DENND10: variants seen among roughly 807,000 people sequenced by gnomAD.
DENND10 encodes the protein DENN domain containing 10, also known as DENN domain-containing protein 10.
DENND10 carries 24 observed loss-of-function variants against 43.6 expected under a neutral mutation model. The observed-to-expected ratio is 0.55, with a 90% CI of 0.40 to 0.77. DENND10 has a LOEUF of 0.77. Ranked by LOEUF, DENND10 falls within the 30% of genes least tolerant of loss-of-function variation. DENND10 has a pLI of 0.00. For missense variants in DENND10, 303 were observed against 429.9 expected, an observed-to-expected ratio of 0.70 and a Z score of 2.61; for synonymous variants, 125 against 157.6, an observed-to-expected ratio of 0.79 and a Z score of 1.55.
chr10:119,116,061 G>A (rs1357759390), intron 3 of DENND10, among the ~76,000 whole-genome samples: 4 of 152,114 alleles, frequency 2.6e-5, no homozygotes, highest in Non-Finnish European at 5.9e-5. Flanking sequence ...ACTGTGCCCG[G>A]CCCTCAAGTG....
At chr10:119,133,610 G>T (rs1107702) in intron 8 of DENND10, 82,565 of 152,006 alleles carry the variant, frequency 0.54, 22,733 homozygotes, top group Middle Eastern at 0.66. Context: ...TGACAGAAGG[G>T]GTTGAGGTGG....
chr10:119,120,478 G>T lies in DENND10; in HGVS notation c.593+26G>T, dbSNP rs189634789. On this transcript the variant is annotated intron_variant, in intron 5 of 8. Transcript: ENST00000361432. ...GTATCACCTCTAATTATAAAAAAGT[G>T]TTAACTTTGTTGGCAGACAGTTCGC... is the stretch of plus-strand genomic sequence containing the variant. The T allele has an allele frequency of 7.5e-5, 107 of 1,423,310 alleles. No homozygotes were observed. The African/African-American group carries it at 1.3e-3, about 18-fold the overall frequency. The allele number at this position is 1,423,310 out of a possible 1,614,324, so 88.2% of individuals were successfully genotyped here.
chr10:119,132,601 G>C lies in DENND10; in HGVS notation c.889G>C (p.Val297Leu), dbSNP rs371835462. The C allele has an allele frequency of 6.2e-7, 1 of 1,613,190 alleles. No individual in the cohort carries two copies. Among genetic ancestry groups the C allele is most frequent in the African/African-American group, 1.3e-5 (1 of 75,030 alleles). ...AEDPEKSESH[V>L]IQDIALKTRE... ...AGATCCAGAGAAATCAGAGAGCCAC[G>C]TTATACAGGTAACTCCCTCACCTTC... The change falls in exon 8 of 9, where the codon GTT becomes CTT. Residue 297 changes from valine (V) to leucine (L), a missense_variant. Coordinates refer to ENST00000361432, the MANE Select transcript of DENND10 (RefSeq NM_207009.4). This position sits in a 1 kb window ranked among gnomAD's most constrained non-coding sequence, Gnocchi z 4.2.
chr10:119,123,603 CACTT>C, intron 6 of DENND10, 34 bp downstream of exon 6: 1 of 1,183,586 alleles, frequency 8.4e-7, no homozygotes, highest in Admixed American at 2.5e-5. Flanking sequence ...GGAACTGTTT[CACTT>C]TTTTTTTTTT....
chr10:119,123,666 A>AGAGGATCCCAGGGGAGGAACTGTTTCACT (rs1589735233), intron 6 of DENND10, 97 bp downstream of exon 6: 2 of 921,484 alleles, frequency 2.2e-6, no homozygotes, highest in East Asian at 5.3e-5. Flanking sequence ...ATGGAGTGCA[A>AGAGGATCCCAGGGGAGGAACTGTTTCACT]TGGCACGATC....
chr10:119,108,344 G>A (rs987451669), intron 2 of DENND10, among the ~76,000 whole-genome samples, 180 bp downstream of exon 2: 7 of 152,094 alleles, frequency 4.6e-5, no homozygotes, highest in Admixed American at 1.3e-4. Context: ...TTAGCTGGGC[G>A]TGGTGGCGCA....
intron 2 of DENND10, among the ~76,000 whole-genome samples, chr10:119,110,872 C>T (rs931280707): frequency 6.6e-6 from 1 of 152,124 alleles, no homozygotes; most frequent in Non-Finnish European, 1.5e-5. Flanking sequence ...TAACGAAGAA[C>T]AATTGCTATT....
At chr10:119,105,670 A>C in intron 1 of DENND10, 1 of 264,266 alleles carries the variant, frequency 3.8e-6, no homozygotes, top group Non-Finnish European at 6.1e-6. Flanking sequence ...GCAGTTTTTT[A>C]ATTATTCACA....
intron 2 of DENND10, among the ~76,000 whole-genome samples, chr10:119,111,581 C>G (rs1844977597): frequency 6.6e-6 from 1 of 151,430 alleles, no homozygotes; most frequent in African/African-American, 2.4e-5. Context: ...TAGAAATGTA[C>G]TTTTTTTATA....
chr10:119,132,590 CAG>C lies in DENND10; in HGVS notation c.883_884del (p.Ser295ProfsTer26). The C allele has an allele frequency of 6.2e-7, 1 of 1,614,076 alleles. No individual in the cohort carries two copies. Among genetic ancestry groups the C allele is most frequent in the Non-Finnish European group, 8.5e-7 (1 of 1,179,922 alleles). ...CAGTCTGCAGAAGATCCAGAGAAAT[CAG>C]AGAGCCACGTTATACAGGTAACTCC... On this transcript the variant is annotated frameshift_variant, in exon 8 of 9. Transcript: ENST00000361432. LOFTEE classifies it high-confidence loss of function. The surrounding 1 kb of genome is among the most constrained non-coding windows in gnomAD (Gnocchi z 4.2).
intron 6 of DENND10, among the ~76,000 whole-genome samples, chr10:119,125,495 AGTTT>A (rs1845782039): frequency 9.3e-6 from 1 of 107,708 alleles, no homozygotes; most frequent in African/African-American, 3.8e-5. Flanking sequence ...TTCCACTTCT[AGTTT>A]TCTTTTTTTT....
At chr10:119,124,987 T>C (rs951898770) in intron 6 of DENND10, among the ~76,000 whole-genome samples, 4 of 152,176 alleles carry the variant, frequency 2.6e-5, no homozygotes, top group Non-Finnish European at 5.9e-5. Flanking sequence ...TGTTTTTTTC[T>C]TGGGACGGAG....
At chr10:119,124,958 T>C (rs1025240472) in intron 6 of DENND10, among the ~76,000 whole-genome samples, 40 of 152,232 alleles carry the variant, frequency 2.6e-4, no homozygotes, top group African/African-American at 9.6e-4. Context: ...ATTTAACCTG[T>C]AAAGTTTTTT....
chr10:119,122,029 G>A (rs1216716910), intron 5 of DENND10, among the ~76,000 whole-genome samples: 5 of 152,014 alleles, frequency 3.3e-5, no homozygotes, highest in Non-Finnish European at 7.4e-5. Context: ...AATGTTGGCC[G>A]GGCATGGTGG....
intron 6 of DENND10, among the ~76,000 whole-genome samples, chr10:119,124,193 C>CAA (rs200369563): frequency 1.1e-4 from 13 of 113,338 alleles, no homozygotes; most frequent in African/African-American, 3.1e-4. Context: ...AACTCCGTCT[C>CAA]AAAAAAAAAA....
At chr10:119,116,053 T>C (rs972648316) in intron 3 of DENND10, among the ~76,000 whole-genome samples, 3 of 152,178 alleles carry the variant, frequency 2.0e-5, no homozygotes, top group Non-Finnish European at 2.9e-5. Context: ...CATGAGTCAC[T>C]GTGCCCGGCC....
At chr10:119,131,615 G>A (rs568150485) in intron 7 of DENND10, among the ~76,000 whole-genome samples, 1 of 152,118 alleles carries the variant, frequency 6.6e-6, no homozygotes, top group South Asian at 2.1e-4. Context: ...CTAAAAGTGG[G>A]GGCAGCTGAA....
intron 5 of DENND10, among the ~76,000 whole-genome samples, chr10:119,122,863 AT>A (rs34477529): frequency 0.56 from 84,869 of 151,898 alleles, 24,014 homozygotes; most frequent in South Asian, 0.68. Flanking sequence ...CCAGAGTGGG[AT>A]TTTTCAGAGG....
At chr10:119,107,256 C>A in intron 1 of DENND10, among the ~76,000 whole-genome samples, 1 of 150,138 alleles carries the variant, frequency 6.7e-6, no homozygotes, top group South Asian at 2.1e-4. Flanking sequence ...GCCAAGATAG[C>A]ACCAGTACAC....
Sources: allele counts gnomAD v4.1 joint callset (sites outside exome capture counted in the v4.1 genomes callset), GRCh38; gene constraint gnomAD v4.1.1; non-coding constraint Gnocchi (gnomAD v3.1); transcripts MANE v1.5; gene names NCBI Gene and HGNC (gene_info 2026-07-23, HGNC 2026-07-21).